The following EPB41 variants were observed in gnomAD, a reference collection of about 807,000 sequenced individuals.
EPB41 encodes erythrocyte membrane protein band 4.1.
Under a neutral mutation model 108.0 loss-of-function variants are expected in EPB41, and 65 were observed. The ratio of observed to expected loss-of-function variants is 0.60; its 90% CI spans 0.49 to 0.74. EPB41 has a LOEUF of 0.74. Among genes scored for constraint, EPB41 ranks in the 30% least tolerant of loss-of-function variants. The probability of loss-of-function intolerance (pLI) is 0.00; values close to 1 mark genes in which losing one functional copy is unlikely to be tolerated. For synonymous variants in EPB41, 336 were observed against 358.9 expected (o/e 0.94, Z 0.72); for missense variants, 875 against 1,037.0 (o/e 0.84, Z 2.15).
chr1:29,093,480 C>T (rs1159852804), intron 16 of EPB41, among the ~76,000 whole-genome samples: 1 of 151,684 alleles, frequency 6.6e-6, no homozygotes, highest in East Asian at 2.0e-4. Flanking sequence ...CAAATATTTT[C>T]CCCAATTCTG....
In EPB41 at chr1:29,088,045, C is replaced by CTT. The variant is rs750809586; in HGVS notation, c.2185-9756_2185-9755dup. On this transcript the variant is annotated intron_variant, in intron 16 of 20. Transcript: ENST00000343067. ...CATCTTTTTTCCTTTTTCTTTTTTT[C>CTT]TTTTTTTCTTTTTTTTTTGAGATGG... Among the ~76,000 whole-genome samples the CTT allele has an allele frequency of 5.4e-4, 71 of 131,554 alleles. 1 individual carries two copies. Among genetic ancestry groups the CTT allele is most frequent in the African/African-American group, 8.0e-4 (29 of 36,390 alleles). The allele number at this position is 131,554 out of a possible 152,430, so 86.3% of individuals were successfully genotyped here.
At chr1:29,091,950 A>AT (rs1401031208) in intron 16 of EPB41, among the ~76,000 whole-genome samples, 2 of 152,096 alleles carry the variant, frequency 1.3e-5, no homozygotes, top group African/African-American at 4.8e-5. Flanking sequence ...CCTGGTTAAT[A>AT]TTCATCACAA....
intron 8 of EPB41, among the ~76,000 whole-genome samples, chr1:29,031,003 A>G (rs1275702800): frequency 2.6e-5 from 4 of 151,950 alleles, no homozygotes; most frequent in Non-Finnish European, 4.4e-5. Context: ...TTGTATTTTT[A>G]GTAGAGACGG....
At chr1:29,021,408 C>T (rs1049899917) in intron 7 of EPB41, among the ~76,000 whole-genome samples, 6 of 152,000 alleles carry the variant, frequency 3.9e-5, no homozygotes, top group Non-Finnish European at 4.4e-5. Flanking sequence ...ATTTTCCTAA[C>T]GAAGCAGCAA....
At chr1:28,977,752 G>C (rs769307844) in intron 1 of EPB41, among the ~76,000 whole-genome samples, 2 of 152,054 alleles carry the variant, frequency 1.3e-5, no homozygotes, top group Non-Finnish European at 2.9e-5. Flanking sequence ...CCTATCATTT[G>C]TAACACGAGG....
intron 1 of EPB41, among the ~76,000 whole-genome samples, chr1:28,890,327 C>T (rs909888557): frequency 2.0e-5 from 3 of 152,110 alleles, no homozygotes; most frequent in Admixed American, 1.3e-4. Context: ...CGTGAGCCAC[C>T]GTGCCTGGCT....
rs768609152 is a variant in EPB41 at position 29,065,037 on chromosome 1, T to G, written c.2063T>G (p.Leu688Arg). Reference protein sequence around the residue: ...IKKHHASISELKKNFMESVPE... With the variant: ...IKKHHASISERKKNFMESVPE... ...AAACATCATGCCAGCATCAGTGAGC[T>G]GAAAAAGAACTTCATGGAGTCTGTA... Residue 688 changes from leucine (L) to arginine (R), a missense_variant, in exon 16 of 21, where the codon CTG becomes CGG. Physicochemically the swap from Leu to Arg is moderately radical, Grantham distance 102. This residue lies in a region of EPB41 where 519 missense variants were observed against 627.3 expected (regional missense o/e 0.83). Coordinates refer to ENST00000343067, the MANE Select transcript of EPB41 (RefSeq NM_001376013.1). 21 of 1,614,040 alleles carry G rather than the reference T, an allele frequency of 1.3e-5. No homozygotes were observed. Among genetic ancestry groups the G allele is most frequent in the African/African-American group, 2.7e-5 (2 of 74,908 alleles).
chr1:29,116,234 C>T (rs1356144356), intron 20 of EPB41, among the ~76,000 whole-genome samples: 1 of 151,118 alleles, frequency 6.6e-6, no homozygotes, highest in Admixed American at 6.6e-5. Flanking sequence ...TCACTGCAAC[C>T]TCCGCCTCCC....
intron 16 of EPB41, among the ~76,000 whole-genome samples, chr1:29,081,470 T>C (rs1656587550): frequency 6.6e-6 from 1 of 152,214 alleles, no homozygotes; most frequent in Non-Finnish European, 1.5e-5. Context: ...TATCTCTTAC[T>C]TCACCTTGGG....
Position 29,018,667 on chromosome 1 carries a change from A to G in EPB41, c.1124+225A>G, listed in dbSNP as rs2096607200. On this transcript the variant is annotated intron_variant, in intron 7 of 20. Coordinates refer to ENST00000343067, the MANE Select transcript of EPB41 (RefSeq NM_001376013.1). This position sits in a 1 kb window ranked among gnomAD's most constrained non-coding sequence, Gnocchi z 4.4. The stretch of plus-strand genomic sequence containing the variant: ...GGGTGAAAACTAAATGAGGTAATAT[A>G]TGTAAAGCACTTAGCACAGTGGCTG... Among the ~76,000 whole-genome samples, 1 of 152,186 alleles carries G rather than the reference A, an allele frequency of 6.6e-6. No homozygotes were observed. The highest frequency in any genetic ancestry group is 6.5e-5 in the Admixed American group (1 of 15,280).
chr1:28,912,625 CT>C (rs916247270), upstream of EPB41, among the ~76,000 whole-genome samples: 53 of 151,748 alleles, frequency 3.5e-4, no homozygotes, highest in Admixed American at 3.1e-3. Context: ...TTTCCTTTTT[CT>C]TTTTTTTGAG....
chr1:29,087,715 A>G (rs1246024538), intron 16 of EPB41, among the ~76,000 whole-genome samples: 1 of 152,224 alleles, frequency 6.6e-6, no homozygotes, highest in Admixed American at 6.5e-5. Context: ...GGGGTAATTT[A>G]TAACTCATAA....
intron 16 of EPB41, chr1:29,069,190 A>G: frequency 1.6e-6 from 2 of 1,231,484 alleles, no homozygotes; most frequent in Non-Finnish European, 2.0e-6. Context: ...TCTCCCTGAT[A>G]CATATCACTT....
intron 4 of EPB41, among the ~76,000 whole-genome samples, chr1:29,002,450 C>CAA (rs773724543): frequency 2.6e-5 from 3 of 115,214 alleles, no homozygotes; most frequent in East Asian, 4.8e-4. Context: ...GACCCTACCT[C>CAA]AAAAAAAAAA....
intron 2 of EPB41, among the ~76,000 whole-genome samples, chr1:28,990,586 A>AT: frequency 6.6e-6 from 1 of 151,592 alleles, no homozygotes; most frequent in African/African-American, 2.4e-5. Context: ...TGCCCAGCTA[A>AT]TTTTTAAATT....
chr1:29,111,050 C>A (rs1668983706), intron 18 of EPB41, among the ~76,000 whole-genome samples: 1 of 152,100 alleles, frequency 6.6e-6, no homozygotes, highest in African/African-American at 2.4e-5. Context: ...GCCTATAGTC[C>A]CAGCTACTCG....
intron 1 of EPB41, among the ~76,000 whole-genome samples, chr1:28,933,580 A>G (rs2093851593): frequency 6.6e-6 from 1 of 152,194 alleles, no homozygotes; most frequent in Non-Finnish European, 1.5e-5. Flanking sequence ...AGGCTATCAC[A>G]TTGCATTTAG....
intron 1 of EPB41, among the ~76,000 whole-genome samples, chr1:28,969,592 C>T (rs2095445661): frequency 6.6e-6 from 1 of 150,588 alleles, no homozygotes; most frequent in African/African-American, 2.4e-5. Context: ...GGTGAAACCC[C>T]GTCTGTACTA....
At chr1:29,047,252 C>CTTTTTTTTTTTTTTT (rs1558142163) in intron 11 of EPB41, among the ~76,000 whole-genome samples, 1 of 94,866 alleles carries the variant, frequency 1.1e-5, no homozygotes, top group East Asian at 4.0e-4. Context: ...TTCTTTCTTT[C>CTTTTTTTTTTTTTTT]CTTTTTTTTT....
Sources: gnomAD v4.1 joint callset for allele counts (sites outside exome capture counted in the v4.1 genomes callset) on GRCh38, gnomAD v4.1.1 for gene constraint, gnomAD v4.1.1 regional missense constraint, Gnocchi (gnomAD v3.1) non-coding constraint, MANE v1.5 for transcripts, NCBI Gene and HGNC (gene_info 2026-07-23, HGNC 2026-07-21) for gene names.